EML4: variants seen among roughly 807,000 people sequenced by gnomAD.
EML4 encodes the protein echinoderm microtubule-associated protein-like 4.
In EML4, 72 loss-of-function variants were observed where a neutral mutation model predicts 129.0. That is an observed-to-expected ratio of 0.56 (90% CI 0.46 to 0.68). The LOEUF (loss-of-function observed/expected upper bound fraction) is 0.68. EML4 is among the 30% of genes least tolerant of loss of function. The pLI, the probability that EML4 is intolerant of heterozygous loss-of-function variation, is 0.00. For missense variants in EML4, 1,363 were observed against 1,190.6 expected (o/e 1.14, Z -2.13); for synonymous variants, 532 against 405.0 (o/e 1.31, Z -3.77).
chr2:42,258,206 G>C (rs1665470985), intron 3 of EML4, among the ~76,000 whole-genome samples: 1 of 152,016 alleles, frequency 6.6e-6, no homozygotes, highest in South Asian at 2.1e-4. Flanking sequence ...GGCTCTTTTA[G>C]GTTGTACTGG....
intron 1 of EML4, among the ~76,000 whole-genome samples, chr2:42,221,268 T>TTA (rs1553369185): frequency 6.6e-6 from 1 of 152,112 alleles, no homozygotes; most frequent in Non-Finnish European, 1.5e-5. Flanking sequence ...GCTGATGACT[T>TTA]TAAGTTGAAG....
Position 42,332,527 on chromosome 2 carries a change from T to C in EML4, c.*2320T>C, listed in dbSNP as rs1427537865. 1 of 182,276 alleles carries C rather than the reference T, an allele frequency of 5.5e-6. No individual in the cohort carries two copies. Among genetic ancestry groups the C allele is most frequent in the East Asian group, 9.0e-5 (1 of 11,134 alleles). The allele number at this position is 182,276 out of a possible 1,614,324, so 11.3% of individuals were successfully genotyped here. On this transcript the variant is annotated 3_prime_UTR_variant, in exon 23 of 23. Coordinates refer to ENST00000318522, the MANE Select transcript of EML4 (RefSeq NM_019063.5). Reference sequence around the variant, plus strand: ...TTTTGAAGATTAAAAAATAAAATAATCAAAATGTTTCCTCTTTCTAAGTGC... The same window carrying C: ...TTTTGAAGATTAAAAAATAAAATAACCAAAATGTTTCCTCTTTCTAAGTGC...
Position 42,331,324 on chromosome 2 carries a change from C to T in EML4, c.*1117C>T, listed in dbSNP as rs1472027894. The T allele has an allele frequency of 4.5e-6, 1 of 223,668 alleles. No homozygotes were observed. The highest frequency in any genetic ancestry group is 8.9e-6 in the Non-Finnish European group (1 of 112,042). The allele number at this position is 223,668 out of a possible 1,614,324, so 13.9% of individuals were successfully genotyped here. ...AGACTTGCTGTGTAGCAGTTTTTTTCTGGTGGAGTTGCTGTAAGTCTTGTA... is the reference window on the plus strand; with the variant it reads ...AGACTTGCTGTGTAGCAGTTTTTTTTTGGTGGAGTTGCTGTAAGTCTTGTA... On this transcript the variant is annotated 3_prime_UTR_variant, in exon 23 of 23. Coordinates refer to ENST00000318522, the MANE Select transcript of EML4 (RefSeq NM_019063.5).
At chr2:42,250,813 A>G (rs1424962472) in intron 2 of EML4, among the ~76,000 whole-genome samples, 2 of 152,142 alleles carry the variant, frequency 1.3e-5, no homozygotes, top group Non-Finnish European at 2.9e-5. Context: ...AGTAATATAT[A>G]ATGAAATAAT....
At position 42,295,007 on chromosome 2, in the gene EML4, G is replaced by C. The variant is rs544644695; in HGVS notation, c.1219-118G>C. On this transcript the variant is annotated intron_variant, in intron 11 of 22. Transcript: ENST00000318522. ...ATTTTTCAGGAAAATTGTCTTAGAA[G>C]AAGAGGCATTTTCTCAAAATCTTGC... 331 of 895,432 alleles carry C rather than the reference G, an allele frequency of 3.7e-4. 3 individuals carry two copies. The South Asian group carries it at 7.8e-3, about 21-fold the overall frequency. The allele number at this position is 895,432 out of a possible 1,614,324, so 55.5% of individuals were successfully genotyped here. A position where few individuals can be genotyped will look rare whatever the true frequency, so the allele number is the denominator to read the frequency against.
chr2:42,280,851 A>G lies in EML4; in HGVS notation c.669A>G (p.Glu223=), dbSNP rs1317380614. 6.2e-7 allele frequency: 1 copy of G among 1,604,368 alleles called. No individual in the cohort carries two copies. ...DKHKDVIINQ[E]GEYIKMFMRG... ...AACTTTTGTCTTGTGTTTCAACAGA[A>G]GGAGAATATATTAAAATGTTTATGC... is the stretch of plus-strand genomic sequence containing the variant. The change falls in exon 7 of 23, where the codon GAA becomes GAG. Residue 223 remains glutamate (E), a splice_region_variant and synonymous_variant. Coordinates refer to ENST00000318522, the MANE Select transcript of EML4 (RefSeq NM_019063.5).
intron 17 of EML4, 22 bp from the exon 18 acceptor site, chr2:42,315,938 ATT>A (rs1572747282): frequency 6.4e-7 from 1 of 1,561,538 alleles, no homozygotes; most frequent in Middle Eastern, 1.7e-4. Context: ...TCTGAAGAAA[ATT>A]TTGATTTTTA....
At chr2:42,236,524 A>G (rs1674684489) in intron 1 of EML4, among the ~76,000 whole-genome samples, 1 of 152,236 alleles carries the variant, frequency 6.6e-6, no homozygotes, top group Admixed American at 6.5e-5. Context: ...ACACCCATTC[A>G]TATACATATT....
At chr2:42,256,144 A>G (rs941508790) in intron 2 of EML4, among the ~76,000 whole-genome samples, 6 of 152,348 alleles carry the variant, frequency 3.9e-5, no homozygotes, top group South Asian at 2.1e-4. Context: ...GGTTTTAACA[A>G]GCTGTTTTTG....
intron 2 of EML4, among the ~76,000 whole-genome samples, chr2:42,246,715 A>G (rs1675424117): frequency 6.6e-6 from 1 of 152,188 alleles, no homozygotes; most frequent in Admixed American, 6.5e-5. Context: ...TGATAGTTGA[A>G]GCCATAGAGG....
At chr2:42,263,748 TC>T (rs1665880044) in intron 5 of EML4, among the ~76,000 whole-genome samples, 1 of 151,032 alleles carries the variant, frequency 6.6e-6, no homozygotes, top group Non-Finnish European at 1.5e-5. Flanking sequence ...TTTATACTTC[TC>T]TTATGGAGTC....
At chr2:42,240,618 T>A (rs1418391313) in intron 1 of EML4, among the ~76,000 whole-genome samples, 1 of 152,240 alleles carries the variant, frequency 6.6e-6, no homozygotes, top group Non-Finnish European at 1.5e-5. Context: ...TTCTATGGTA[T>A]GGACATATTA....
chr2:42,255,072 G>A (rs576610326), intron 2 of EML4, among the ~76,000 whole-genome samples: 43 of 151,746 alleles, frequency 2.8e-4, no homozygotes, highest in South Asian at 6.2e-4. Context: ...ATGGATACGC[G>A]GTTTTTGTTT....
chr2:42,276,246 A>T (rs1372236153), intron 6 of EML4, among the ~76,000 whole-genome samples: 1 of 152,176 alleles, frequency 6.6e-6, no homozygotes, highest in Non-Finnish European at 1.5e-5. Flanking sequence ...TAAACATTTT[A>T]AAATTGGCAG....
At position 42,330,206 on chromosome 2, in the gene EML4, A is replaced by G; in HGVS notation, c.2945A>G (p.Ter982=). 2 of 1,612,742 alleles carry G rather than the reference A, an allele frequency of 1.2e-6. No individual in the cohort carries two copies. Among genetic ancestry groups the G allele is most frequent in the Non-Finnish European group, 1.7e-6 (2 of 1,179,642 alleles). The change falls in exon 23 of 23, where the codon TAA becomes TGA. Residue 982 remains the stop codon, a stop_retained_variant. Coordinates refer to ENST00000318522, the MANE Select transcript of EML4 (RefSeq NM_019063.5). ...CAGCAAGACCCTTCGCCCTCGTCCT[A>G]ACACCCTGGCTTCAGTGCAACTCTT... The part of the protein sequence containing the change: ...EDQQDPSPSS[*]
intron 3 of EML4, among the ~76,000 whole-genome samples, chr2:42,258,619 C>CA (rs1665511532): frequency 6.6e-6 from 1 of 152,046 alleles, no homozygotes; most frequent in African/African-American, 2.4e-5. Context: ...AGGCTGGTCT[C>CA]AAACTCCCAA....
chr2:42,172,834 A>T (rs375317312), intron 1 of EML4, among the ~76,000 whole-genome samples: 12 of 152,236 alleles, frequency 7.9e-5, no homozygotes, highest in African/African-American at 2.4e-4. Flanking sequence ...TAAGGCAGGG[A>T]TTGGGTGCAT....
chr2:42,331,875 C>A lies in EML4; in HGVS notation c.*1668C>A, dbSNP rs1039882559. The A allele has an allele frequency of 6.9e-5, 15 of 217,920 alleles. No homozygotes were observed. In the Admixed American group the frequency reaches 7.6e-4, roughly 11 times the overall value. 13.5% of individuals were successfully genotyped at this position (217,920 alleles called of 1,614,324 possible). On this transcript the variant is annotated 3_prime_UTR_variant, in exon 23 of 23. Transcript: ENST00000318522. ...GAAGATATGCACCACGTTGAAAATA[C>A]TCAGTGTAGATCTCTATGTGTATAG...
At chr2:42,267,265 G>A (rs982456345) in intron 6 of EML4, among the ~76,000 whole-genome samples, 1 of 152,178 alleles carries the variant, frequency 6.6e-6, no homozygotes, top group African/African-American at 2.4e-5. Context: ...CTTGCACTCA[G>A]ATTTGTATTA....
Sources: gnomAD v4.1 joint callset for allele counts (sites outside exome capture counted in the v4.1 genomes callset) on GRCh38, gnomAD v4.1.1 for gene constraint, MANE v1.5 for transcripts, NCBI Gene and HGNC (gene_info 2026-07-23, HGNC 2026-07-21) for gene names.